OMA1: variants seen among roughly 807,000 people sequenced by gnomAD.
The protein encoded by OMA1 is metalloendopeptidase OMA1, mitochondrial.
A neutral mutation model predicts 30.9 loss-of-function variants in OMA1; 38 were observed. The ratio of observed to expected loss-of-function variants is 1.23; its 90% CI spans 0.95 to 1.61. The LOEUF (loss-of-function observed/expected upper bound fraction) is 1.61. Ranked by LOEUF, OMA1 falls within the 40% of genes most tolerant of loss-of-function variation. The probability of loss-of-function intolerance (pLI) is 0.00; values close to 1 mark genes in which losing one functional copy is unlikely to be tolerated. For synonymous variants in OMA1, 173 were observed against 121.9 expected (o/e 1.42, Z -2.76); for missense variants, 461 against 349.2 (o/e 1.32, Z -2.55).
chr1:58,540,251 T>G (rs1242209281), intron 1 of OMA1, among the ~76,000 whole-genome samples: 2 of 149,850 alleles, frequency 1.3e-5, no homozygotes, highest in African/African-American at 4.9e-5. Flanking sequence ...CCAAAAAGAT[T>G]AAATGCTTCC....
At chr1:58,500,942 TATA>T (rs1645897222) in intron 8 of OMA1, among the ~76,000 whole-genome samples, 1 of 152,198 alleles carries the variant, frequency 6.6e-6, no homozygotes, top group Non-Finnish European at 1.5e-5. Context: ...AACGACAAAT[TATA>T]ATATACATAA....
intron 8 of OMA1, among the ~76,000 whole-genome samples, chr1:58,484,920 G>T (rs1238819365): frequency 1.3e-5 from 2 of 152,042 alleles, no homozygotes; most frequent in Admixed American, 1.3e-4. Context: ...GAATGAGTAG[G>T]CACAGAGTGT....
At position 58,490,442 on chromosome 1, in the gene OMA1, T is replaced by G. The variant is rs543662665; in HGVS notation, c.1366-9268A>C. Among the ~76,000 whole-genome samples the G allele has an allele frequency of 4.3e-3, 649 of 152,168 alleles. 6 individuals are homozygous for G. The highest frequency in any genetic ancestry group is 0.015 in the African/African-American group (621 of 41,530). ...AGCCTCCAAGAAATATGGGACTATGTGAAAAGACCAAATCTACATCTGATT... is the reference window on the plus strand; with the variant it reads ...AGCCTCCAAGAAATATGGGACTATGGGAAAAGACCAAATCTACATCTGATT... On this transcript the variant is annotated intron_variant, in intron 8 of 8. Transcript: ENST00000371226.
chr1:58,504,917 C>G (rs748751740), intron 8 of OMA1, among the ~76,000 whole-genome samples: 1 of 151,934 alleles, frequency 6.6e-6, no homozygotes, highest in Non-Finnish European at 1.5e-5. Context: ...AGAGGTACTC[C>G]GTATTTGTTG....
intron 8 of OMA1, among the ~76,000 whole-genome samples, chr1:58,500,903 AG>A (rs1645896264): frequency 6.6e-6 from 1 of 152,214 alleles, no homozygotes; most frequent in African/African-American, 2.4e-5. Context: ...CAATCTTCAT[AG>A]AAAAAAGTTA....
At chr1:58,501,060 C>T (rs912220383) in intron 8 of OMA1, among the ~76,000 whole-genome samples, 19 of 151,974 alleles carry the variant, frequency 1.3e-4, no homozygotes, top group African/African-American at 7.3e-5. Context: ...GTTATGATAA[C>T]CAAAATATGT....
chr1:58,501,001 A>G (rs1410963768), intron 8 of OMA1, among the ~76,000 whole-genome samples: 1 of 152,242 alleles, frequency 6.6e-6, no homozygotes, highest in Non-Finnish European at 1.5e-5. Context: ...ATACTATTAA[A>G]CATCAACAAA....
intron 7 of OMA1, among the ~76,000 whole-genome samples, chr1:58,515,938 T>G (rs532495617): frequency 6.6e-6 from 1 of 152,310 alleles, no homozygotes; most frequent in South Asian, 2.1e-4. Flanking sequence ...AATTTGAAAT[T>G]TTCTCATTTC....
chr1:58,481,298 G>C (rs149501129), intron 8 of OMA1, 124 bp from the exon 9 acceptor site: 4 of 411,962 alleles, frequency 9.7e-6, no homozygotes, highest in Non-Finnish European at 1.7e-5. Context: ...TTAATAAAAG[G>C]TATCTTGATT....
In OMA1 at chr1:58,529,982, G is replaced by A. The variant is rs1306105896; in HGVS notation, c.1140+619C>T. 5.9e-5 allele frequency among the ~76,000 whole-genome samples: 9 copies of A among 151,912 alleles called. No homozygotes were observed. The East Asian group carries it at 1.4e-3, about 23-fold the overall frequency. The stretch of plus-strand genomic sequence containing the variant: ...AGCAAGCTCTGCCTCCTGGGTTCAC[G>A]CCATTCTCCTGCCTCAGCCTCCCAA... On this transcript the variant is annotated intron_variant, in intron 6 of 8. Transcript: ENST00000371226.
chr1:58,488,084 T>C (rs1645607274), intron 8 of OMA1, among the ~76,000 whole-genome samples: 1 of 152,186 alleles, frequency 6.6e-6, no homozygotes, highest in Admixed American at 6.5e-5. Context: ...CTTTTTCTAA[T>C]ATAGACATTT....
At chr1:58,500,761 AAG>A (rs1356831724) in intron 8 of OMA1, among the ~76,000 whole-genome samples, 1 of 152,112 alleles carries the variant, frequency 6.6e-6, no homozygotes, top group African/African-American at 2.4e-5. Flanking sequence ...TCACCCAACA[AAG>A]AGGGGATGGT....
rs751612243 is a variant in OMA1 at position 58,539,011 on chromosome 1, C to G, written c.284G>C (p.Ser95Thr). The G allele has an allele frequency of 1.3e-5, 11 of 872,718 alleles. No individual in the cohort carries two copies. In the Admixed American group the frequency reaches 1.5e-4, roughly 12 times the overall value. The allele number at this position is 872,718 out of a possible 1,614,324, so 54.1% of individuals were successfully genotyped here. A position where few individuals can be genotyped will look rare whatever the true frequency, so the allele number is the denominator to read the frequency against. ...AGCATCATTCCATACAGTACATTTG[C>G]TGGTAATCCTCCAAATTTCCTTACT... The part of the protein sequence containing the change: ...TKSKEIWRIT[S>T]KCTVWNDAFS... The change falls in exon 2 of 9, where the codon AGC (serine) becomes ACC (threonine). Residue 95 changes from serine (S) to threonine (T), a missense_variant. Transcript: ENST00000371226.
chr1:58,536,620 CCA>C lies in OMA1; in HGVS notation c.620_621del (p.Val207GlyfsTer35). Reference protein sequence around the residue: ...LGLSSFGLLFVVFYFTHLEVS... With the variant: ...LGLSSFGLLFXVFYFTHLEVS... ...ACTTCCAGGTGAGTAAAATAAAACA[CCA>C]CAAAGAGCAATCCAAAACTACTCAA... On this transcript the variant is annotated frameshift_variant, in exon 3 of 9. Transcript: ENST00000371226. LOFTEE classifies it high-confidence loss of function. 2 of 872,824 alleles carry C rather than the reference CCA, an allele frequency of 2.3e-6. No homozygotes were observed. The allele number at this position is 872,824 out of a possible 1,614,324, so 54.1% of individuals were successfully genotyped here.
rs58217798 is a variant in OMA1 at position 58,499,314 on chromosome 1, C to CAA, written c.1365+6744_1365+6745dup. On this transcript the variant is annotated intron_variant, in intron 8 of 8. Transcript: ENST00000371226. ...GCAACACAGCAAGACCACATCTCTA[C>CAA]AAAAAAAAAAAAAAAAAAAAAAAGG... 5.0e-3 allele frequency among the ~76,000 whole-genome samples: 347 copies of CAA among 69,568 alleles called. 7 individuals are homozygous for CAA. Among genetic ancestry groups the CAA allele is most frequent in the African/African-American group, 0.011 (232 of 20,470 alleles). 45.6% of individuals were successfully genotyped at this position (69,568 alleles called of 152,430 possible).
At position 58,530,132 on chromosome 1, in the gene OMA1, T is replaced by C. The variant is rs568434467; in HGVS notation, c.1140+469A>G. Among the ~76,000 whole-genome samples the C allele has an allele frequency of 8.5e-5, 13 of 152,256 alleles. No homozygotes were observed. The East Asian group carries it at 2.5e-3, about 29-fold the overall frequency. Reference sequence around the variant, plus strand: ...TCCTGACTTCGTGATCCACCCACCTTGGCCTCCCAAAGTGCTGAGATTACA... The same window carrying C: ...TCCTGACTTCGTGATCCACCCACCTCGGCCTCCCAAAGTGCTGAGATTACA... On this transcript the variant is annotated intron_variant, in intron 6 of 8. Coordinates refer to ENST00000371226, the MANE Select transcript of OMA1 (RefSeq NM_145243.5).
chr1:58,486,247 T>A (rs1645574139), intron 8 of OMA1, among the ~76,000 whole-genome samples: 1 of 152,204 alleles, frequency 6.6e-6, no homozygotes, highest in Non-Finnish European at 1.5e-5. Flanking sequence ...ACATCCAACA[T>A]CTAGGAGATA....
intron 7 of OMA1, among the ~76,000 whole-genome samples, chr1:58,522,271 T>C (rs1261263701): frequency 6.6e-6 from 1 of 152,134 alleles, no homozygotes; most frequent in African/African-American, 2.4e-5. Flanking sequence ...TGACACATAT[T>C]TATTAATGTA....
chr1:58,491,249 G>A (rs1381936609), intron 8 of OMA1, among the ~76,000 whole-genome samples: 1 of 151,994 alleles, frequency 6.6e-6, no homozygotes, highest in Non-Finnish European at 1.5e-5. Flanking sequence ...TGCCCTACAA[G>A]AGCTCCTGAA....
Sources: gnomAD v4.1 joint callset for allele counts (sites outside exome capture counted in the v4.1 genomes callset) on GRCh38, gnomAD v4.1.1 for gene constraint, MANE v1.5 for transcripts, NCBI Gene and HGNC (gene_info 2026-07-23, HGNC 2026-07-21) for gene names.